The following SEL1L3 variants were observed in gnomAD, a reference collection of about 807,000 sequenced individuals.
SEL1L3 encodes the protein SEL1L family member 3, also known as protein sel-1 homolog 3.
Under a neutral mutation model 142.8 loss-of-function variants are expected in SEL1L3, and 76 were observed. The ratio of observed to expected loss-of-function variants is 0.53; its 90% confidence interval spans 0.44 to 0.64. SEL1L3 has a LOEUF of 0.64. SEL1L3 is among the 30% of genes least tolerant of loss of function. The probability of loss-of-function intolerance (pLI) is 0.00; values close to 1 mark genes in which losing one functional copy is unlikely to be tolerated. For synonymous variants in SEL1L3, 504 were observed against 519.6 expected (o/e 0.97, Z 0.41); for missense variants, 1,262 against 1,381.7 (o/e 0.91, Z 1.37).
At chr4:25,724,519 A>C in the SEL1L3 span, among the ~76,000 whole-genome samples, 3 of 152,006 alleles carry the variant, frequency 2.0e-5, no homozygotes, top group Admixed American at 2.0e-4. Flanking sequence ...AGGCAGGCGG[A>C]TCACGAGGTC....
chr4:25,779,594 C>T (rs1229302865), intron 15 of SEL1L3, among the ~76,000 whole-genome samples: 1 of 152,190 alleles, frequency 6.6e-6, no homozygotes, highest in Non-Finnish European at 1.5e-5. Context: ...TGTGCGAAAA[C>T]TGCATTTCCA....
intron 9 of SEL1L3, among the ~76,000 whole-genome samples, chr4:25,815,923 C>T (rs975807668): frequency 4.0e-5 from 6 of 150,380 alleles, no homozygotes; most frequent in Non-Finnish European, 8.8e-5. Flanking sequence ...CTAAACATCC[C>T]GTAACACACA....
intron 20 of SEL1L3, 174 bp from the exon 21 acceptor site, chr4:25,759,242 A>G: frequency 1.6e-6 from 1 of 629,118 alleles, no homozygotes; most frequent in Non-Finnish European, 2.6e-6. Flanking sequence ...GCATCTGAGA[A>G]ATTTATTTGC....
At position 25,767,539 on chromosome 4, in the gene SEL1L3, T is replaced by A; in HGVS notation, c.2831A>T (p.Asp944Val). 6.3e-7 allele frequency: 1 copy of A among 1,583,990 alleles called. No homozygotes were observed. Among genetic ancestry groups the A allele is most frequent in the African/African-American group, 1.3e-5 (1 of 74,418 alleles). ...RYYNFSVFQI[D>V]APSFAYLKMG... ...TCTATACATACCAAAGGAAGGAGCATCGATTTGAAAAACAGAGAAATTATA... is the reference window on the plus strand; with the variant it reads ...TCTATACATACCAAAGGAAGGAGCAACGATTTGAAAAACAGAGAAATTATA... Residue 944 changes from aspartate (D) to valine (V), a missense_variant, in exon 19 of 24, where the codon GAT becomes GTT. Asp to Val is a radical substitution (Grantham distance 152, BLOSUM62 -3). Transcript: ENST00000399878.
At chr4:25,795,462 G>C (rs1475307545) in intron 11 of SEL1L3, among the ~76,000 whole-genome samples, 1 of 152,216 alleles carries the variant, frequency 6.6e-6, no homozygotes, top group Non-Finnish European at 1.5e-5. Context: ...CTAGAACTGG[G>C]GGAGGGTGTG....
chr4:25,854,500 A>G (rs1023229833), intron 1 of SEL1L3, among the ~76,000 whole-genome samples: 4 of 152,114 alleles, frequency 2.6e-5, no homozygotes, highest in African/African-American at 7.2e-5. Flanking sequence ...CTGCTCTCGA[A>G]CTTCTGACCT....
rs200984722 is a variant in SEL1L3, at chr4:25,847,330, G to A, written c.697C>T (p.Arg233Trp). 32 of 1,613,770 alleles carry A rather than the reference G, an allele frequency of 2.0e-5. No homozygotes were observed. The East Asian group carries it at 3.6e-4, about 18-fold the overall frequency. ...GGACACTGTGGAATCCTGTTTGCCC[G>A]AAGGTTCCAAATATAACCCATGTTC... The part of the protein sequence containing the change: ...EWNMGYIWNL[R>W]ANRIPQCPLE... The change falls in exon 2 of 24, where the codon CGG (arginine) becomes TGG (tryptophan). Residue 233 changes from arginine to tryptophan, a missense_variant. Physicochemically the swap from Arg to Trp is moderately radical, Grantham distance 101. Around this residue, in one of 3 missense-constraint regions of SEL1L3, gnomAD observed 689 missense variants for 692.8 expected, o/e 0.99. Coordinates refer to ENST00000399878, the MANE Select transcript of SEL1L3 (RefSeq NM_015187.5).
Position 25,757,514 on chromosome 4 carries a change from C to A in SEL1L3, c.3259+20G>T. 9.2e-7 allele frequency: 1 copy of A among 1,084,916 alleles called. No individual in the cohort carries two copies. Among genetic ancestry groups the A allele is most frequent in the Non-Finnish European group, 1.3e-6 (1 of 769,828 alleles). The allele number at this position is 1,084,916 out of a possible 1,614,324, so 67.2% of individuals were successfully genotyped here. ...TTTTTTTTTTTTAATATATTGCTTT[C>A]GCTTTTTATAAATCTTTACCTGAGA... On this transcript the variant is annotated intron_variant, in intron 23 of 23. Transcript: ENST00000399878.
At chr4:25,767,993 T>G (rs367677331) in intron 17 of SEL1L3, among the ~76,000 whole-genome samples, 163 bp from the exon 18 acceptor site, 53 of 152,306 alleles carry the variant, frequency 3.5e-4, no homozygotes, top group African/African-American at 1.2e-3. Flanking sequence ...AAATACTGCA[T>G]GCACTGATTT....
chr4:25,772,570 A>AAAGGC (rs893046107), intron 17 of SEL1L3, among the ~76,000 whole-genome samples: 1 of 152,102 alleles, frequency 6.6e-6, no homozygotes, highest in Non-Finnish European at 1.5e-5. Flanking sequence ...AAAGGAAAGA[A>AAAGGC]AAGGCAAGGC....
At chr4:25,775,770 G>A (rs998809219) in intron 17 of SEL1L3, among the ~76,000 whole-genome samples, 1 of 152,206 alleles carries the variant, frequency 6.6e-6, no homozygotes, top group Admixed American at 6.5e-5. Flanking sequence ...GCATCTGTTT[G>A]TTTGTGCCAT....
rs1282331458 is a variant in SEL1L3 at position 25,792,242 on chromosome 4, G to A, written c.1957-1668C>T. On this transcript the variant is annotated intron_variant, in intron 11 of 23. Transcript: ENST00000399878. ...CACTTAATCCTCATAACAAAGCTTCGATCCAGGTATCACTGTCCCCAGTTT... is the reference window on the plus strand; with the variant it reads ...CACTTAATCCTCATAACAAAGCTTCAATCCAGGTATCACTGTCCCCAGTTT... Among the ~76,000 whole-genome samples, 11 of 151,470 alleles carry A rather than the reference G, an allele frequency of 7.3e-5. No homozygotes were observed. In the East Asian group the frequency reaches 1.9e-3, roughly 27 times the overall value.
At chr4:25,746,663 T>C (rs1717280829), downstream of SEL1L3, among the ~76,000 whole-genome samples, 1 of 150,448 alleles carries the variant, frequency 6.6e-6, no homozygotes, top group Admixed American at 6.7e-5. Context: ...CAGTCTCTCT[T>C]GCTCCTGCTC....
chr4:25,763,115 AT>A (rs1471483330), intron 20 of SEL1L3, among the ~76,000 whole-genome samples: 2 of 151,462 alleles, frequency 1.3e-5, no homozygotes, highest in Admixed American at 6.6e-5. Context: ...TCTTTGGTTT[AT>A]TTTTCTTGAA....
At chr4:25,828,257 C>G (rs1715216233) in intron 6 of SEL1L3, among the ~76,000 whole-genome samples, 1 of 152,060 alleles carries the variant, frequency 6.6e-6, no homozygotes, top group African/African-American at 2.4e-5. Context: ...ATGCCCAGAG[C>G]CTAAAAGAAA....
intron 2 of SEL1L3, among the ~76,000 whole-genome samples, chr4:25,845,338 A>T (rs1247891668): frequency 6.6e-6 from 1 of 152,170 alleles, no homozygotes; most frequent in Non-Finnish European, 1.5e-5. Flanking sequence ...CTACAAAAAA[A>T]TAAAAAAATA....
the SEL1L3 span, among the ~76,000 whole-genome samples, chr4:25,737,460 A>T: frequency 1.5e-4 from 23 of 152,234 alleles, no homozygotes; most frequent in African/African-American, 5.3e-4. Context: ...TGGGAGACAG[A>T]GCAAGCTCTC....
the SEL1L3 span, among the ~76,000 whole-genome samples, chr4:25,736,909 T>C: frequency 6.6e-6 from 1 of 152,202 alleles, no homozygotes; most frequent in Non-Finnish European, 1.5e-5. Context: ...CTATTTTATC[T>C]AATATTAATA....
At chr4:25,836,224 G>A (rs1463152196) in intron 2 of SEL1L3, among the ~76,000 whole-genome samples, 1 of 152,054 alleles carries the variant, frequency 6.6e-6, no homozygotes, top group Non-Finnish European at 1.5e-5. Context: ...AATCTTAAAG[G>A]GAGAACTGAG....
Sources: allele counts gnomAD v4.1 joint callset (sites outside exome capture counted in the v4.1 genomes callset), GRCh38; gene constraint gnomAD v4.1.1; regional missense constraint gnomAD v4.1.1; transcripts MANE v1.5; gene names NCBI Gene and HGNC (gene_info 2026-07-23, HGNC 2026-07-21).